DNM3: variants seen among roughly 807,000 people sequenced by gnomAD.
The protein encoded by DNM3 is dynamin 3, also known as dynamin-3.
Under a neutral mutation model 101.6 loss-of-function variants are expected in DNM3, and 47 were observed. The observed-to-expected ratio is 0.46, with a 90% CI of 0.37 to 0.59. The LOEUF (loss-of-function observed/expected upper bound fraction) is 0.59. Ranked by LOEUF, DNM3 falls within the 20% of genes least tolerant of loss-of-function variation. DNM3 has a pLI of 0.00. For synonymous variants in DNM3, 385 were observed against 387.9 expected, an observed-to-expected ratio of 0.99 and a Z score of 0.09; for missense variants, 849 against 1,085.7, an observed-to-expected ratio of 0.78 and a Z score of 3.06.
At chr1:172,297,907 C>T (rs1403468052) in intron 15 of DNM3, among the ~76,000 whole-genome samples, 1 of 151,310 alleles carries the variant, frequency 6.6e-6, no homozygotes, top group Non-Finnish European at 1.5e-5. Context: ...TGTTTTTCTC[C>T]TTCTATCTTC....
chr1:172,057,296 C>G (rs2125895845), intron 10 of DNM3, among the ~76,000 whole-genome samples: 1 of 152,214 alleles, frequency 6.6e-6, no homozygotes, highest in Admixed American at 6.5e-5. Flanking sequence ...GAGAACTTCC[C>G]CAATCTAGCA....
intron 15 of DNM3, among the ~76,000 whole-genome samples, chr1:172,283,544 G>T: frequency 6.6e-6 from 1 of 151,936 alleles, no homozygotes; most frequent in East Asian, 1.9e-4. Context: ...GGCAGATCAT[G>T]AGGTCAAGAG....
chr1:172,239,793 T>TTTTTA (rs2061675724), intron 14 of DNM3, among the ~76,000 whole-genome samples: 1 of 53,548 alleles, frequency 1.9e-5, no homozygotes, highest in Admixed American at 2.7e-4. Context: ...CCTGTCTTTT[T>TTTTTA]TTTTCTCTTT....
intron 2 of DNM3, among the ~76,000 whole-genome samples, chr1:171,971,328 A>G (rs2043978575): frequency 6.6e-6 from 1 of 152,036 alleles, no homozygotes; most frequent in African/African-American, 2.4e-5. Context: ...CCCTTTCTAT[A>G]AATCCTTTAC....
intron 14 of DNM3, chr1:172,139,528 G>A (rs2057450499): frequency 6.6e-6 from 1 of 152,442 alleles, no homozygotes; most frequent in Non-Finnish European, 1.5e-5. Context: ...CTATTTAAAT[G>A]TCTCATTTTC....
chr1:171,874,090 A>C (rs2035545638), intron 1 of DNM3, among the ~76,000 whole-genome samples: 1 of 152,222 alleles, frequency 6.6e-6, no homozygotes. Context: ...ATTTATTGTA[A>C]TGTGAACTAA....
At chr1:172,109,908 A>G (rs972901014) in intron 13 of DNM3, among the ~76,000 whole-genome samples, 1 of 152,216 alleles carries the variant, frequency 6.6e-6, no homozygotes, top group African/African-American at 2.4e-5. Context: ...ACAAATAATT[A>G]AAAGACTGAC....
intron 16 of DNM3, among the ~76,000 whole-genome samples, chr1:172,321,096 C>A (rs73046821): frequency 0.015 from 2,299 of 152,228 alleles, 46 homozygotes; most frequent in African/African-American, 0.052. Flanking sequence ...GTCGGCTTTG[C>A]AGATTGAAAC....
intron 13 of DNM3, among the ~76,000 whole-genome samples, chr1:172,100,068 G>A (rs1409668831): frequency 2.0e-5 from 3 of 152,168 alleles, no homozygotes; most frequent in Non-Finnish European, 2.9e-5. Flanking sequence ...CTTTAAGCAG[G>A]AAGTAGAGCA....
intron 2 of DNM3, among the ~76,000 whole-genome samples, chr1:171,985,605 G>A (rs1181361728): frequency 6.6e-6 from 1 of 152,180 alleles, no homozygotes; most frequent in Non-Finnish European, 1.5e-5. Context: ...TTTTCAGAAA[G>A]TGGCACATTA....
chr1:172,068,836 ACT>A lies in DNM3; in HGVS notation c.1356_1357del (p.Cys453ArgfsTer9), dbSNP rs1446126750. ...CTKKLANFPR[L>X]CEETERIVAN... ...CTTGACAGCTGGCAAACTTCCCCAG[ACT>A]CTGCGAGGAAACGGAAAGGATTGTT... is the stretch of plus-strand genomic sequence containing the variant. On this transcript the variant is annotated frameshift_variant, in exon 11 of 21. Coordinates refer to ENST00000627582, the MANE Select transcript of DNM3 (RefSeq NM_015569.5). LOFTEE classifies it high-confidence loss of function. The A allele has an allele frequency of 6.4e-7, 1 of 1,572,800 alleles. No individual in the cohort carries two copies. The highest frequency in any genetic ancestry group is 1.9e-5 in the Admixed American group (1 of 53,816).
rs1373401291 is a variant in DNM3, at chr1:172,081,836, T to C, written c.1427T>C (p.Leu476Ser). ...GTGTTTCTCTTTGACTTATAGGTATTGCTATTGATTGACATTCAAGTCTCT... is the reference window on the plus strand; with the variant it reads ...GTGTTTCTCTTTGACTTATAGGTATCGCTATTGATTGACATTCAAGTCTCT... ...EREGKTKDQV[L>S]LLIDIQVSYI... is the part of the protein sequence containing the mutation. Residue 476 changes from leucine (L) to serine (S), a missense_variant, in exon 12 of 21, where the codon TTG (leucine) becomes TCG (serine). Leu to Ser is a moderately radical substitution (Grantham distance 145). Transcript: ENST00000627582. 6.2e-7 allele frequency: 1 copy of C among 1,612,160 alleles called. No homozygotes were observed. The highest frequency in any genetic ancestry group is 8.5e-7 in the Non-Finnish European group (1 of 1,179,016).
chr1:172,012,021 G>T (rs753475635), intron 4 of DNM3, among the ~76,000 whole-genome samples: 2 of 151,922 alleles, frequency 1.3e-5, no homozygotes, highest in Non-Finnish European at 2.9e-5. Flanking sequence ...TTTCTAATTT[G>T]CAACATTTGT....
At chr1:171,851,562 C>T (rs2032969427) in intron 1 of DNM3, among the ~76,000 whole-genome samples, 1 of 152,094 alleles carries the variant, frequency 6.6e-6, no homozygotes, top group South Asian at 2.1e-4. Flanking sequence ...TACAGGAGTG[C>T]GCCACCACAC....
intron 15 of DNM3, among the ~76,000 whole-genome samples, chr1:172,263,224 T>G (rs2062734240): frequency 6.6e-6 from 1 of 152,208 alleles, no homozygotes; most frequent in African/African-American, 2.4e-5. Flanking sequence ...TATACACACA[T>G]GAAAGTTTTA....
At chr1:172,226,101 A>C (rs1436353609) in intron 14 of DNM3, among the ~76,000 whole-genome samples, 2 of 152,186 alleles carry the variant, frequency 1.3e-5, no homozygotes, top group Non-Finnish European at 2.9e-5. Flanking sequence ...CTATGCACAT[A>C]TAATTGCATC....
At position 172,283,430 on chromosome 1, in the gene DNM3, C is replaced by G. The variant is rs549872445; in HGVS notation, c.1770-25298C>G. Among the ~76,000 whole-genome samples, 9 of 152,182 alleles carry G rather than the reference C, an allele frequency of 5.9e-5. 1 individual carries two copies. Among genetic ancestry groups the G allele is most frequent in the South Asian group, 2.1e-4 (1 of 4,826 alleles). ...ATTTCTCCATTGCCATTTCCTGAAGCCTTTTCAGTCATTCCTCAAGTATAT... is the reference window on the plus strand; with the variant it reads ...ATTTCTCCATTGCCATTTCCTGAAGGCTTTTCAGTCATTCCTCAAGTATAT... On this transcript the variant is annotated intron_variant, in intron 15 of 20. Coordinates refer to ENST00000627582, the MANE Select transcript of DNM3 (RefSeq NM_015569.5).
chr1:172,124,742 T>A (rs1298380303), intron 13 of DNM3, among the ~76,000 whole-genome samples: 2 of 152,144 alleles, frequency 1.3e-5, no homozygotes, highest in East Asian at 3.9e-4. Context: ...GATCTAACCC[T>A]TCCTTCCTAG....
chr1:172,402,042 T>C (rs2070529378), intron 20 of DNM3, among the ~76,000 whole-genome samples: 2 of 152,138 alleles, frequency 1.3e-5, no homozygotes, highest in African/African-American at 4.8e-5. Context: ...TCACACTCAT[T>C]GATCTACCGC....
Sources: allele counts gnomAD v4.1 joint callset (sites outside exome capture counted in the v4.1 genomes callset), GRCh38; gene constraint gnomAD v4.1.1; transcripts MANE v1.5; gene names NCBI Gene and HGNC (gene_info 2026-07-23, HGNC 2026-07-21).